Variants in KLHL42 observed in about 807,000 individuals in gnomAD.
KLHL42 encodes the protein kelch-like protein 42.
Under a neutral mutation model 32.7 loss-of-function variants are expected in KLHL42, and 27 were observed. The ratio of observed to expected loss-of-function variants is 0.83; its 90% CI spans 0.61 to 1.14. The LOEUF is 1.14. Among genes scored for constraint, KLHL42 ranks in the 50% most tolerant of loss-of-function variants. The pLI is 0.00. For synonymous variants in KLHL42, 267 were observed against 248.2 expected, an observed-to-expected ratio of 1.08 and a Z score of -0.71; for missense variants, 491 against 560.8, an observed-to-expected ratio of 0.88 and a Z score of 1.26.
In KLHL42 at chr12:27,781,135, T is replaced by C. The variant is rs759874141; in HGVS notation, c.805T>C (p.Ser269Pro). The change falls in exon 1 of 3, where the codon TCC becomes CCC. Residue 269 changes from serine to proline, a missense_variant. Coordinates refer to ENST00000381271, the MANE Select transcript of KLHL42 (RefSeq NM_020782.2). The part of the protein sequence containing the change: ...GGYRITSQEI[S>P]AAHSYNPSTN... ...GTACAGGATCACTAGCCAGGAGATCTCCGCTGCGCATTCCTACAACCCCAG... is the reference window on the plus strand; with the variant it reads ...GTACAGGATCACTAGCCAGGAGATCCCCGCTGCGCATTCCTACAACCCCAG... 1 of 1,614,106 alleles carries C rather than the reference T, an allele frequency of 6.2e-7. No homozygotes were observed. The highest frequency in any genetic ancestry group is 8.5e-7 in the Non-Finnish European group (1 of 1,180,032).
rs752512892 is a variant in KLHL42, at chr12:27,799,944, A to C, written c.*1778A>C. 1.1e-6 allele frequency: 1 copy of C among 899,730 alleles called. No homozygotes were observed. The highest frequency in any genetic ancestry group is 1.3e-6 in the Non-Finnish European group (1 of 751,892). 55.7% of individuals were successfully genotyped at this position (899,730 alleles called of 1,614,324 possible). On this transcript the variant is annotated 3_prime_UTR_variant, in exon 3 of 3. Coordinates refer to ENST00000381271, the MANE Select transcript of KLHL42 (RefSeq NM_020782.2). ...AAAAAAATAAAACCTCTGAACCAAAATCTTCCCAGGAATAGTACTTAATAG... is the reference window on the plus strand; with the variant it reads ...AAAAAAATAAAACCTCTGAACCAAACTCTTCCCAGGAATAGTACTTAATAG...
At chr12:27,784,368 C>A (rs1262024724) in intron 1 of KLHL42, among the ~76,000 whole-genome samples, 2 of 151,398 alleles carry the variant, frequency 1.3e-5, no homozygotes, top group South Asian at 4.2e-4. Flanking sequence ...GTCTCGATCT[C>A]CTGACCTCGT....
At chr12:27,783,426 A>T (rs1052181129) in intron 1 of KLHL42, among the ~76,000 whole-genome samples, 2 of 152,206 alleles carry the variant, frequency 1.3e-5, no homozygotes, top group African/African-American at 4.8e-5. Flanking sequence ...GTGTTTATGT[A>T]TATTAATGTG....
At position 27,802,588 on chromosome 12, in the gene KLHL42, C is replaced by A. The variant is rs2062253189; in HGVS notation, c.*4422C>A. 1 of 152,516 alleles carries A rather than the reference C, an allele frequency of 6.6e-6. No homozygotes were observed. Among genetic ancestry groups the A allele is most frequent in the Non-Finnish European group, 1.5e-5 (1 of 68,036 alleles). 9.4% of individuals were successfully genotyped at this position (152,516 alleles called of 1,614,324 possible). A position where few individuals can be genotyped will look rare whatever the true frequency, so the allele number is the denominator to read the frequency against. On this transcript the variant is annotated 3_prime_UTR_variant, in exon 3 of 3. Coordinates refer to ENST00000381271, the MANE Select transcript of KLHL42 (RefSeq NM_020782.2). Reference sequence around the variant, plus strand: ...TGTACTTGACATAACCATTTTTATTCATACAGGAAGCATTAAATATAAAAG... The same window carrying A: ...TGTACTTGACATAACCATTTTTATTAATACAGGAAGCATTAAATATAAAAG...
intron 1 of KLHL42, chr12:27,788,304 G>A (rs1435206762): frequency 6.6e-6 from 1 of 152,102 alleles, no homozygotes; most frequent in Non-Finnish European, 1.5e-5. Context: ...ACAACTTGAG[G>A]TGTCACTTCA....
At chr12:27,782,494 A>G (rs998947275) in intron 1 of KLHL42, among the ~76,000 whole-genome samples, 7 of 152,200 alleles carry the variant, frequency 4.6e-5, no homozygotes, top group South Asian at 2.1e-4. Context: ...ATGATACCAT[A>G]TTTAAAATTT....
chr12:27,793,313 G>T (rs1481100846), intron 2 of KLHL42, among the ~76,000 whole-genome samples: 1 of 152,142 alleles, frequency 6.6e-6, no homozygotes, highest in African/African-American at 2.4e-5. Flanking sequence ...GCTGAGGCAG[G>T]AGGATCACTT....
At chr12:27,795,100 T>C (rs1332256542) in intron 2 of KLHL42, among the ~76,000 whole-genome samples, 1 of 152,160 alleles carries the variant, frequency 6.6e-6, no homozygotes, top group Non-Finnish European at 1.5e-5. Context: ...GGAAAGTCAA[T>C]ACTCCCAGTT....
chr12:27,801,574 T>C lies in KLHL42; in HGVS notation c.*3408T>C, dbSNP rs1050287. On this transcript the variant is annotated 3_prime_UTR_variant, in exon 3 of 3. Transcript: ENST00000381271. ...TTTCCTAGACCAGGAATGGGGAATA[T>C]ATAACACCTGTGCCACCGCTCTTTT... 73,563 of 152,032 alleles carry C rather than the reference T, an allele frequency of 0.48. 17,934 individuals are homozygous for C. The highest frequency in any genetic ancestry group is 0.52 in the South Asian group (2,523 of 4,818). 9.4% of individuals were successfully genotyped at this position (152,032 alleles called of 1,614,324 possible). A position where few individuals can be genotyped will look rare whatever the true frequency, so the allele number is the denominator to read the frequency against.
rs2062242117 is a variant in KLHL42 at position 27,800,506 on chromosome 12, C to T, written c.*2340C>T. On this transcript the variant is annotated 3_prime_UTR_variant, in exon 3 of 3. Coordinates refer to ENST00000381271, the MANE Select transcript of KLHL42 (RefSeq NM_020782.2). Reference sequence around the variant, plus strand: ...CTGTGCATTTTGTGACATCGTCCTTCCTGCTGTGCACATCAGCTGTGATGA... The same window carrying T: ...CTGTGCATTTTGTGACATCGTCCTTTCTGCTGTGCACATCAGCTGTGATGA... 1.1e-5 allele frequency: 4 copies of T among 370,162 alleles called. No individual in the cohort carries two copies. The highest frequency in any genetic ancestry group is 1.5e-5 in the Non-Finnish European group (4 of 267,696). 22.9% of individuals were successfully genotyped at this position (370,162 alleles called of 1,614,324 possible). A position where few individuals can be genotyped will look rare whatever the true frequency, so the allele number is the denominator to read the frequency against.
intron 1 of KLHL42, among the ~76,000 whole-genome samples, chr12:27,791,341 A>G (rs2062196191): frequency 6.6e-6 from 1 of 152,194 alleles, no homozygotes; most frequent in Non-Finnish European, 1.5e-5. Context: ...GTGAAAGACA[A>G]TGGGGTGATG....
At chr12:27,797,671 G>A (rs932043579) in intron 2 of KLHL42, 44 bp from the exon 3 acceptor site, 1 of 671,858 alleles carries the variant, frequency 1.5e-6, no homozygotes, top group Admixed American at 2.3e-5. Flanking sequence ...TTGCCTAGTG[G>A]TGTTAGTGGA....
intron 2 of KLHL42, among the ~76,000 whole-genome samples, chr12:27,796,856 C>T (rs1190174280): frequency 2.6e-5 from 4 of 152,064 alleles, no homozygotes; most frequent in Admixed American, 6.5e-5. Flanking sequence ...AGGCTGGTCT[C>T]GAACCCCTAG....
At position 27,795,054 on chromosome 12, in the gene KLHL42, C is replaced by CGT. The variant is rs763134827; in HGVS notation, c.1067-2650_1067-2649dup. 6.8e-4 allele frequency among the ~76,000 whole-genome samples: 103 copies of CGT among 152,038 alleles called. 1 individual carries two copies. Among genetic ancestry groups the CGT allele is most frequent in the Middle Eastern group, 3.4e-3 (1 of 294 alleles). On this transcript the variant is annotated intron_variant, in intron 2 of 2. Coordinates refer to ENST00000381271, the MANE Select transcript of KLHL42 (RefSeq NM_020782.2). ...TGTTTATGTAGTAATCCCCCTCTCT[C>CGT]GTGTGTGTGTGTATATGTGTGTGTC... is the stretch of plus-strand genomic sequence containing the variant.
At chr12:27,796,145 C>A (rs915981789) in intron 2 of KLHL42, among the ~76,000 whole-genome samples, 1 of 152,194 alleles carries the variant, frequency 6.6e-6, no homozygotes, top group Admixed American at 6.5e-5. Context: ...AATGCCGTGG[C>A]TTACAATTCT....
intron 1 of KLHL42, chr12:27,788,346 A>T (rs2062182044): frequency 6.6e-6 from 1 of 152,114 alleles, no homozygotes; most frequent in Non-Finnish European, 1.5e-5. Context: ...TGTGAGGTAG[A>T]TGTTATTAAT....
chr12:27,793,665 A>G (rs2062207251), intron 2 of KLHL42, among the ~76,000 whole-genome samples: 1 of 152,214 alleles, frequency 6.6e-6, no homozygotes, highest in Non-Finnish European at 1.5e-5. Flanking sequence ...AGATGTCTCC[A>G]AGTTACCTCT....
Position 27,791,695 on chromosome 12 carries a change from G to A in KLHL42, c.873-13G>A. 6.2e-7 allele frequency: 1 copy of A among 1,609,068 alleles called. No homozygotes were observed. Among genetic ancestry groups the A allele is most frequent in the Non-Finnish European group, 8.5e-7 (1 of 1,175,508 alleles). On this transcript the variant is annotated splice_polypyrimidine_tract_variant and intron_variant, in intron 1 of 2. Coordinates refer to ENST00000381271, the MANE Select transcript of KLHL42 (RefSeq NM_020782.2). ...AAGAACTAACTCTGTGGGCCTTTGT[G>A]TCTCTCTTTCAGGTCTAACTTCAAA...
rs57635498 is a variant in KLHL42, at chr12:27,798,219, T to G, written c.*53T>G. ...CCTGGTTCAAGTTTTTTTTAAAATG[T>G]GGTGTCCCATTCCAAGGGAGACCAA... is the stretch of plus-strand genomic sequence containing the variant. On this transcript the variant is annotated 3_prime_UTR_variant, in exon 3 of 3. Transcript: ENST00000381271. The G allele has an allele frequency of 0.012, 8,385 of 712,246 alleles. 477 individuals carry two copies. In the African/African-American group the frequency reaches 0.13, roughly 11 times the overall value. The allele number at this position is 712,246 out of a possible 1,614,324, so 44.1% of individuals were successfully genotyped here. A position where few individuals can be genotyped will look rare whatever the true frequency, so the allele number is the denominator to read the frequency against.
Sources: allele counts gnomAD v4.1 joint callset (sites outside exome capture counted in the v4.1 genomes callset), GRCh38; gene constraint gnomAD v4.1.1; transcripts MANE v1.5; gene names NCBI Gene and HGNC (gene_info 2026-07-23, HGNC 2026-07-21).